Variants in P2RY8 observed in about 807,000 individuals in gnomAD.
The protein encoded by P2RY8 is S-geranylgeranyl-glutathione receptor P2RY8.
Under a neutral mutation model 10.0 loss-of-function variants are expected in P2RY8, and 6 were observed. The observed-to-expected ratio is 0.60, with a 90% confidence interval of 0.33 to 1.19. P2RY8 has a LOEUF of 1.19. Ranked by LOEUF, P2RY8 falls within the 50% of genes most tolerant of loss-of-function variation. The pLI is 0.04. For missense variants in P2RY8, 456 were observed against 542.0 expected (o/e 0.84, Z 1.58); for synonymous variants, 276 against 252.5 (o/e 1.09, Z -0.88).
At chrX:1,500,110 G>A (rs1208695772) in intron 1 of P2RY8, among the ~76,000 whole-genome samples, 14 of 150,580 alleles carry the variant, frequency 9.3e-5, no homozygotes, top group South Asian at 2.1e-4. Flanking sequence ...CGCCTGCCTC[G>A]GCCTCCCAAA....
At chrX:1,524,669 T>TCATCCATCCATCCATC (rs1208902272) in intron 1 of P2RY8, among the ~76,000 whole-genome samples, 1 of 51,062 alleles carries the variant, frequency 2.0e-5, no homozygotes, top group Non-Finnish European at 3.7e-5. Flanking sequence ...ATCCATCCAT[T>TCATCCATCCATCCATC]CATCCATCCA....
rs2092159604 is a variant in P2RY8, at chrX:1,499,996, C to CTA, written c.-24-33416_-24-33415dup. On this transcript the variant is annotated intron_variant, in intron 1 of 1. Coordinates refer to ENST00000381297, the MANE Select transcript of P2RY8 (RefSeq NM_178129.5). ...GCCTCAGCCTCCCGAGTAGCTGGGACTACAGGCGTGTACCACCATGCCCAG... is the reference window on the plus strand; with the variant it reads ...GCCTCAGCCTCCCGAGTAGCTGGGACTATACAGGCGTGTACCACCATGCCCAG... Among the ~76,000 whole-genome samples, 6 of 102,486 alleles carry CTA rather than the reference C, an allele frequency of 5.9e-5. No homozygotes were observed. In the South Asian group the frequency reaches 1.8e-3, roughly 31 times the overall value. The allele number at this position is 102,486 out of a possible 152,430, so 67.2% of individuals were successfully genotyped here. A position where few individuals can be genotyped will look rare whatever the true frequency, so the allele number is the denominator to read the frequency against.
chrX:1,520,732 T>A (rs1380104516), intron 1 of P2RY8, among the ~76,000 whole-genome samples: 1 of 152,072 alleles, frequency 6.6e-6, no homozygotes, highest in African/African-American at 2.4e-5. Context: ...TCTAATATTA[T>A]CTCTGGTCCT....
In P2RY8 at chrX:1,465,298, C is replaced by A. The variant is rs187823453; in HGVS notation, c.*181G>T. 49 of 1,000,840 alleles carry A rather than the reference C, an allele frequency of 4.9e-5. No homozygotes were observed. The African/African-American group carries it at 6.8e-4, about 14-fold the overall frequency. 62.0% of individuals were successfully genotyped at this position (1,000,840 alleles called of 1,614,324 possible). On this transcript the variant is annotated 3_prime_UTR_variant, in exon 2 of 2. Transcript: ENST00000381297. ...CCCTGAGTGAAGCCTGGAGACCCTT[C>A]CTCACCGGTGCCTCTGCAGTGCCTG...
At chrX:1,500,248 A>G (rs2092164769) in intron 1 of P2RY8, among the ~76,000 whole-genome samples, 1 of 151,074 alleles carries the variant, frequency 6.6e-6, no homozygotes, top group Non-Finnish European at 1.5e-5. Context: ...TTTTGGTGTT[A>G]TTGTTAATGT....
At chrX:1,533,965 T>C (rs1237643528) in intron 1 of P2RY8, among the ~76,000 whole-genome samples, 1 of 124,198 alleles carries the variant, frequency 8.1e-6, no homozygotes, top group Non-Finnish European at 1.5e-5. Context: ...TAGTTATATA[T>C]TTATAACTTA....
At chrX:1,512,148 G>A (rs1185840501) in intron 1 of P2RY8, among the ~76,000 whole-genome samples, 3 of 152,112 alleles carry the variant, frequency 2.0e-5, no homozygotes, top group African/African-American at 7.2e-5. Context: ...CACACTGGGG[G>A]TACTTAAACA....
intron 1 of P2RY8, among the ~76,000 whole-genome samples, chrX:1,486,017 A>G (rs2091983087): frequency 6.6e-6 from 1 of 152,134 alleles, no homozygotes; most frequent in Admixed American, 6.6e-5. Flanking sequence ...CCAGGAGTTC[A>G]AGACCAGCCT....
At chrX:1,512,317 T>C (rs1470921469) in intron 1 of P2RY8, among the ~76,000 whole-genome samples, 10 of 151,724 alleles carry the variant, frequency 6.6e-5, no homozygotes, top group African/African-American at 1.9e-4. Flanking sequence ...GAGGCCGAGG[T>C]GGGTGGATCA....
At chrX:1,519,446 C>T (rs2092375199) in intron 1 of P2RY8, among the ~76,000 whole-genome samples, 2 of 151,270 alleles carry the variant, frequency 1.3e-5, no homozygotes, top group Admixed American at 6.6e-5. Flanking sequence ...CCAATAATAT[C>T]TCTGATCCCA....
rs1603452403 is a variant in P2RY8 at position 1,462,899 on chromosome X, C to T, written c.*2580G>A. ...ACCAGTGAACAGACTGAGTCAGCTTCCAGGAAACATCCACGGCTGTAAGAG... is the reference window on the plus strand; with the variant it reads ...ACCAGTGAACAGACTGAGTCAGCTTTCAGGAAACATCCACGGCTGTAAGAG... On this transcript the variant is annotated 3_prime_UTR_variant, in exon 2 of 2. Transcript: ENST00000381297. The T allele has an allele frequency of 4.3e-6, 1 of 232,872 alleles. No homozygotes were observed. The highest frequency in any genetic ancestry group is 6.0e-5 in the East Asian group (1 of 16,552). The allele number at this position is 232,872 out of a possible 1,614,324, so 14.4% of individuals were successfully genotyped here. A position where few individuals can be genotyped will look rare whatever the true frequency, so the allele number is the denominator to read the frequency against.
chrX:1,478,320 G>C (rs2091899335), intron 1 of P2RY8, among the ~76,000 whole-genome samples: 1 of 148,720 alleles, frequency 6.7e-6, no homozygotes, highest in Admixed American at 6.8e-5. Flanking sequence ...TTTGCAAACA[G>C]GGATCATATA....
intron 1 of P2RY8, among the ~76,000 whole-genome samples, chrX:1,521,191 G>A (rs1211080832): frequency 6.6e-6 from 1 of 151,706 alleles, no homozygotes; most frequent in African/African-American, 2.4e-5. Context: ...TGGGTTTACA[G>A]GCATGCTCCA....
At chrX:1,490,815 C>T (rs1326645711) in intron 1 of P2RY8, among the ~76,000 whole-genome samples, 3 of 144,476 alleles carry the variant, frequency 2.1e-5, no homozygotes. Flanking sequence ...CCAGATATTC[C>T]CTGCAAATGT....
Position 1,465,415 on chromosome X carries a change from C to A in P2RY8, c.*64G>T. On this transcript the variant is annotated 3_prime_UTR_variant, in exon 2 of 2. Transcript: ENST00000381297. Reference sequence around the variant, plus strand: ...TCTCCCTGAACCTCTGGCACCGTGGCCTCTCCATGCGCCCCTGGATCTCCA... The same window carrying A: ...TCTCCCTGAACCTCTGGCACCGTGGACTCTCCATGCGCCCCTGGATCTCCA... 1 of 1,530,676 alleles carries A rather than the reference C, an allele frequency of 6.5e-7. No individual in the cohort carries two copies. Among genetic ancestry groups the A allele is most frequent in the Non-Finnish European group, 8.7e-7 (1 of 1,146,226 alleles). 94.8% of individuals were successfully genotyped at this position (1,530,676 alleles called of 1,614,324 possible).
At chrX:1,497,476 G>A (rs1160910376) in intron 1 of P2RY8, among the ~76,000 whole-genome samples, 6 of 151,150 alleles carry the variant, frequency 4.0e-5, no homozygotes, top group East Asian at 2.0e-4. Flanking sequence ...TGGCCAAGAC[G>A]GTGAAACCCT....
chrX:1,526,579 C>A (rs183120805), intron 1 of P2RY8, among the ~76,000 whole-genome samples: 145 of 152,150 alleles, frequency 9.5e-4, no homozygotes, highest in South Asian at 7.0e-3. Context: ...TCCATTCATT[C>A]ATTTATGCCT....
At chrX:1,519,333 C>T (rs1322554530) in intron 1 of P2RY8, among the ~76,000 whole-genome samples, 2 of 150,880 alleles carry the variant, frequency 1.3e-5, no homozygotes, top group Non-Finnish European at 3.0e-5. Flanking sequence ...CTAATAATCT[C>T]TCTGGTCTCC....
chrX:1,510,553 G>A (rs2092291516), intron 1 of P2RY8, among the ~76,000 whole-genome samples: 1 of 152,116 alleles, frequency 6.6e-6, no homozygotes, highest in South Asian at 2.1e-4. Context: ...GTTGACAGAG[G>A]CTGCACACTC....
Sources: gnomAD v4.1 joint callset for allele counts (sites outside exome capture counted in the v4.1 genomes callset) on GRCh38, gnomAD v4.1.1 for gene constraint, MANE v1.5 for transcripts, NCBI Gene and HGNC (gene_info 2026-07-23, HGNC 2026-07-21) for gene names.